Variants in SLC38A4 observed in about 807,000 individuals in gnomAD.
SLC38A4 encodes the protein sodium-coupled neutral amino acid transporter 4.
SLC38A4 carries 20 observed loss-of-function variants against 63.1 expected under a neutral mutation model. The observed-to-expected ratio is 0.32, with a 90% confidence interval of 0.22 to 0.46. The LOEUF (loss-of-function observed/expected upper bound fraction) is 0.46. Among genes scored for constraint, SLC38A4 ranks in the 20% least tolerant of loss-of-function variants. SLC38A4 has a pLI of 1.00. For missense variants in SLC38A4, 526 were observed against 663.6 expected (o/e 0.79, Z 2.28); for synonymous variants, 230 against 225.5 (o/e 1.02, Z -0.18).
chr12:46,807,837 C>T (rs1376324356), intron 1 of SLC38A4, among the ~76,000 whole-genome samples: 3 of 151,472 alleles, frequency 2.0e-5, no homozygotes, highest in Admixed American at 6.6e-5. Context: ...AATTATTAAC[C>T]TCAACTTACA....
At position 46,766,748 on chromosome 12, in the gene SLC38A4, T is replaced by A; in HGVS notation, c.1597A>T (p.Ile533Phe). The A allele has an allele frequency of 6.2e-7, 1 of 1,612,368 alleles. No homozygotes were observed. The highest frequency in any genetic ancestry group is 1.1e-5 in the South Asian group (1 of 90,916). The change falls in exon 17 of 17, where the codon ATT (isoleucine) becomes TTT (phenylalanine). Residue 533 changes from isoleucine to phenylalanine, a missense_variant. By Grantham distance (21) the Ile-to-Phe change is conservative. Coordinates refer to ENST00000266579, the MANE Select transcript of SLC38A4 (RefSeq NM_018018.5). ...IFFMIGSMAL[I>F]IIDWIYDPPN... is the part of the protein sequence containing the mutation. ...GGATCATAAATCCAGTCAATTATAA[T>A]GAGTGCCATGCTTCCAATCATGAAG...
At chr12:46,768,634 C>T (rs1158942004) in intron 15 of SLC38A4, among the ~76,000 whole-genome samples, 1 of 151,974 alleles carries the variant, frequency 6.6e-6, no homozygotes, top group Non-Finnish European at 1.5e-5. Flanking sequence ...GTATATGCAA[C>T]ATATAATAAG....
chr12:46,831,047 C>T (rs1025135451), intron 1 of SLC38A4, among the ~76,000 whole-genome samples: 1 of 152,216 alleles, frequency 6.6e-6, no homozygotes, highest in Non-Finnish European at 1.5e-5. Context: ...GCCCGGTGAG[C>T]ATTCCAGGGT....
intron 1 of SLC38A4, among the ~76,000 whole-genome samples, chr12:46,806,507 CCTAT>C (rs1244051964): frequency 4.0e-5 from 6 of 151,678 alleles, no homozygotes; most frequent in Non-Finnish European, 7.4e-5. Context: ...GTGATGTTTG[CCTAT>C]CTGAGAATAA....
intron 1 of SLC38A4, among the ~76,000 whole-genome samples, chr12:46,819,712 G>A (rs556235407): frequency 1.3e-5 from 2 of 151,816 alleles, no homozygotes; most frequent in South Asian, 4.1e-4. Flanking sequence ...ACCAAGTGAA[G>A]CTGGAGATTC....
chr12:46,797,732 A>G (rs1452483206), intron 2 of SLC38A4, among the ~76,000 whole-genome samples: 1 of 152,172 alleles, frequency 6.6e-6, no homozygotes, highest in African/African-American at 2.4e-5. Flanking sequence ...AAGTTACATC[A>G]GCCTAGGCTT....
At chr12:46,795,997 A>G (rs1405786613) in intron 2 of SLC38A4, among the ~76,000 whole-genome samples, 1 of 152,158 alleles carries the variant, frequency 6.6e-6, no homozygotes, top group Non-Finnish European at 1.5e-5. Flanking sequence ...TAAAAAAACT[A>G]TTTCTTCCCC....
chr12:46,804,125 C>A (rs1041627350), intron 1 of SLC38A4, among the ~76,000 whole-genome samples: 1 of 151,910 alleles, frequency 6.6e-6, no homozygotes, highest in East Asian at 1.9e-4. Context: ...GAGTTATTTT[C>A]TTTTAAGTTG....
At chr12:46,797,126 C>A (rs1592187647) in intron 2 of SLC38A4, among the ~76,000 whole-genome samples, 1 of 152,096 alleles carries the variant, frequency 6.6e-6, no homozygotes, top group Non-Finnish European at 1.5e-5. Context: ...ATCCTAAGCC[C>A]CATTCTTCCA....
rs544049475 is a variant in SLC38A4, at chr12:46,820,234, T to C, written c.-305+5669A>G. The stretch of plus-strand genomic sequence containing the variant: ...GAAATCTACCCTATTAACAACACTT[T>C]CGTGCCTAACGATAGGCATTATGCT... On this transcript the variant is annotated intron_variant, in intron 1 of 16. Transcript: ENST00000266579. Among the ~76,000 whole-genome samples the C allele has an allele frequency of 9.3e-4, 141 of 152,128 alleles. 2 individuals are homozygous for C. The highest frequency in any genetic ancestry group is 3.4e-3 in the Middle Eastern group (1 of 294).
upstream of SLC38A4, among the ~76,000 whole-genome samples, chr12:46,830,296 T>TCACACACA (rs1383380116): frequency 5.9e-5 from 7 of 118,968 alleles, no homozygotes; most frequent in Non-Finnish European, 1.1e-4. Flanking sequence ...TCTCTCTCTC[T>TCACACACA]CTCACACACA....
intron 1 of SLC38A4, among the ~76,000 whole-genome samples, chr12:46,831,802 G>A (rs1053129216): frequency 6.6e-6 from 1 of 152,224 alleles, no homozygotes; most frequent in South Asian, 2.1e-4. Flanking sequence ...CTTGCCAGCA[G>A]GATCCCGGGC....
At position 46,784,449 on chromosome 12, in the gene SLC38A4, A is replaced by G. The variant is rs573533456; in HGVS notation, c.493+93T>C. ...GAACTATAAGTAGCAATTTTTCTGT[A>G]TCTAAAGTGCCTGTTTATTGCCATA... On this transcript the variant is annotated intron_variant, in intron 7 of 16. Coordinates refer to ENST00000266579, the MANE Select transcript of SLC38A4 (RefSeq NM_018018.5). The G allele has an allele frequency of 1.1e-4, 93 of 874,516 alleles. No homozygotes were observed. The South Asian group carries it at 2.2e-3, about 21-fold the overall frequency. 54.2% of individuals were successfully genotyped at this position (874,516 alleles called of 1,614,324 possible).
intron 5 of SLC38A4, 68 bp downstream of exon 5, chr12:46,787,848 G>T (rs899362930): frequency 1.8e-6 from 2 of 1,125,224 alleles, no homozygotes; most frequent in African/African-American, 1.6e-5. Flanking sequence ...ACTTGAGATT[G>T]TTAATTGAAA....
intron 16 of SLC38A4, among the ~76,000 whole-genome samples, chr12:46,767,242 G>A (rs1938320170): frequency 6.6e-6 from 1 of 150,958 alleles, no homozygotes; most frequent in Non-Finnish European, 1.5e-5. Flanking sequence ...GTATATATGT[G>A]TGTGTGTGTG....
At chr12:46,798,034 C>A (rs1184055060) in intron 2 of SLC38A4, among the ~76,000 whole-genome samples, 3 of 152,030 alleles carry the variant, frequency 2.0e-5, no homozygotes, top group African/African-American at 7.2e-5. Context: ...CTCTTCATTT[C>A]TTTCACCTTC....
intron 14 of SLC38A4, 88 bp downstream of exon 14, chr12:46,774,961 C>A: frequency 6.9e-7 from 1 of 1,457,150 alleles, no homozygotes; most frequent in Non-Finnish European, 9.3e-7. Flanking sequence ...GCAAACTCAC[C>A]CTATAATTAA....
intron 1 of SLC38A4, among the ~76,000 whole-genome samples, chr12:46,809,665 G>T (rs1939302371): frequency 6.6e-6 from 1 of 151,880 alleles, no homozygotes; most frequent in Admixed American, 6.6e-5. Context: ...TGGAAGGCTG[G>T]GTATAAAATT....
At chr12:46,819,940 G>A (rs532532491) in intron 1 of SLC38A4, among the ~76,000 whole-genome samples, 7 of 151,830 alleles carry the variant, frequency 4.6e-5, no homozygotes, top group South Asian at 2.1e-4. Context: ...TGATGACTCC[G>A]AGGCACTCTG....
Sources: gnomAD v4.1 joint callset for allele counts (sites outside exome capture counted in the v4.1 genomes callset) on GRCh38, gnomAD v4.1.1 for gene constraint, MANE v1.5 for transcripts, NCBI Gene and HGNC (gene_info 2026-07-23, HGNC 2026-07-21) for gene names.